The following FASTK variants were observed in gnomAD, a reference collection of about 807,000 sequenced individuals.
FASTK encodes Fas activated serine/threonine kinase.
In FASTK, 28 loss-of-function variants were observed where a neutral mutation model predicts 60.0. That is an observed-to-expected ratio of 0.47 (90% CI 0.35 to 0.64). The LOEUF is 0.64. Ranked by LOEUF, FASTK falls within the 30% of genes least tolerant of loss-of-function variation. FASTK has a pLI of 0.01. For synonymous variants in FASTK, 325 were observed against 307.9 expected, an observed-to-expected ratio of 1.06 and a Z score of -0.58; for missense variants, 595 against 713.8, an observed-to-expected ratio of 0.83 and a Z score of 1.90.
In FASTK at chr7:151,078,900, A is replaced by G. The variant is rs1230587436; in HGVS notation, c.627T>C (p.Ala209=). The change falls in exon 3 of 10, where the codon GCT becomes GCC. Residue 209 remains alanine, a synonymous_variant. Transcript: ENST00000297532. The part of the protein sequence containing the change: ...LLRGGQGLEA[A]LSCPRFLRYP... ...ACCGCAGAAAACGGGGGCAGCTTAG[A>G]GCAGCTTCCAACCCTTGCCCACCTC... The G allele has an allele frequency of 2.5e-6, 4 of 1,597,398 alleles. No individual in the cohort carries two copies. The highest frequency in any genetic ancestry group is 1.4e-5 in the African/African-American group (1 of 73,874).
chr7:151,076,652 C>G lies in FASTK; in HGVS notation c.*73G>C. On this transcript the variant is annotated 3_prime_UTR_variant, in exon 10 of 10. Coordinates refer to ENST00000297532, the MANE Select transcript of FASTK (RefSeq NM_006712.5). ...AAGGAAAGGAACTTTAATGAGAAAT[C>G]AAAACACAGGGAACCAAAGTGCAAA... is the stretch of plus-strand genomic sequence containing the variant. 1.2e-5 allele frequency: 13 copies of G among 1,043,598 alleles called. No individual in the cohort carries two copies. Among genetic ancestry groups the G allele is most frequent in the Non-Finnish European group, 1.8e-5 (13 of 729,792 alleles). 64.6% of individuals were successfully genotyped at this position (1,043,598 alleles called of 1,614,324 possible).
intron 1 of FASTK, 163 bp from the exon 2 acceptor site, chr7:151,080,085 G>C (rs896254031): frequency 3.2e-6 from 2 of 633,342 alleles, no homozygotes; most frequent in Non-Finnish European, 5.5e-6. Context: ...CTCCTTCCAC[G>C]CCTTTGAAAC....
chr7:151,078,433 T>A, intron 4 of FASTK, 129 bp downstream of exon 4: 1 of 1,029,368 alleles, frequency 9.7e-7, no homozygotes, highest in East Asian at 2.5e-5. Context: ...GTAGAAAAGA[T>A]GCAGGTCCCA....
chr7:151,077,652 G>A lies in FASTK; in HGVS notation c.1168C>T (p.Leu390Phe). ...TTGCAGCGGGCACGGTCGGTGATGA[G>A]AGGCTGGGGAAAGATGGGCACTTGC... ...RQQVPIFPQPLITDRARCKYS... is the reference protein window; with the variant it reads ...RQQVPIFPQPFITDRARCKYS... Residue 390 changes from leucine to phenylalanine, a missense_variant, in exon 6 of 10, where the codon CTC becomes TTC. Physicochemically the swap from Leu to Phe is conservative, Grantham distance 22. This residue lies in a region of FASTK where 471 missense variants were observed against 605.9 expected (regional missense o/e 0.78). Coordinates refer to ENST00000297532, the MANE Select transcript of FASTK (RefSeq NM_006712.5). The A allele has an allele frequency of 6.4e-7, 1 of 1,565,072 alleles. No homozygotes were observed. Among genetic ancestry groups the A allele is most frequent in the Non-Finnish European group, 8.7e-7 (1 of 1,155,640 alleles).
chr7:151,077,274 C>T, intron 7 of FASTK, 36 bp downstream of exon 7: 1 of 1,611,864 alleles, frequency 6.2e-7, no homozygotes, highest in Non-Finnish European at 8.5e-7. Context: ...AGCCAGGGCT[C>T]CGTCTCCCCG....
At position 151,077,275 on chromosome 7, in the gene FASTK, C is replaced by A. The variant is rs746368037; in HGVS notation, c.1291+35G>T. 5 of 1,611,788 alleles carry A rather than the reference C, an allele frequency of 3.1e-6. No individual in the cohort carries two copies. In the African/African-American group the frequency reaches 4.0e-5, roughly 13 times the overall value. ...GGGCCGGCGGCCTTAGCCAGGGCTCCGTCTCCCCGGGCCTGCCGCCTGCCC... is the reference window on the plus strand; with the variant it reads ...GGGCCGGCGGCCTTAGCCAGGGCTCAGTCTCCCCGGGCCTGCCGCCTGCCC... On this transcript the variant is annotated intron_variant, in intron 7 of 9. Transcript: ENST00000297532.
rs775142551 is a variant in FASTK, at chr7:151,077,195, C to A, written c.1333G>T (p.Val445Leu). ...CASSSGAVLP[V>L]RTQDPFLPYP... ...GGCAGGAAGGGGTCCTGGGTCCTCA[C>A]GGGAAGCACAGCACCAGAGCTGCTG... Residue 445 changes from valine (V) to leucine (L), a missense_variant, in exon 8 of 10, where the codon GTG becomes TTG. Around this residue, in one of 2 missense-constraint regions of FASTK, gnomAD observed 471 missense variants for 605.9 expected, o/e 0.78. Transcript: ENST00000297532. 2.5e-6 allele frequency: 4 copies of A among 1,612,946 alleles called. No homozygotes were observed. Among genetic ancestry groups the A allele is most frequent in the Non-Finnish European group, 2.5e-6 (3 of 1,179,692 alleles).
rs976194333 is a variant in FASTK at position 151,076,652 on chromosome 7, C to T, written c.*73G>A. 9.6e-7 allele frequency: 1 copy of T among 1,043,596 alleles called. No homozygotes were observed. The highest frequency in any genetic ancestry group is 1.4e-6 in the Non-Finnish European group (1 of 729,790). 64.6% of individuals were successfully genotyped at this position (1,043,596 alleles called of 1,614,324 possible). On this transcript the variant is annotated 3_prime_UTR_variant, in exon 10 of 10. Transcript: ENST00000297532. Reference sequence around the variant, plus strand: ...AAGGAAAGGAACTTTAATGAGAAATCAAAACACAGGGAACCAAAGTGCAAA... The same window carrying T: ...AAGGAAAGGAACTTTAATGAGAAATTAAAACACAGGGAACCAAAGTGCAAA...
rs140817502 is a variant in FASTK, at chr7:151,080,068, C to G, written c.83-146G>C. On this transcript the variant is annotated intron_variant, in intron 1 of 9. Transcript: ENST00000297532. ...CTCTGGGCCTCTTCCCCACCCCGCC[C>G]CTCTGCCTCCTTCCACGCCTTTGAA... The G allele has an allele frequency of 5.3e-4, 355 of 665,852 alleles. 7 individuals carry two copies. The East Asian group carries it at 9.7e-3, about 18-fold the overall frequency. The allele number at this position is 665,852 out of a possible 1,614,324, so 41.2% of individuals were successfully genotyped here. A position where few individuals can be genotyped will look rare whatever the true frequency, so the allele number is the denominator to read the frequency against.
chr7:151,080,694 C>T lies in FASTK; in HGVS notation c.73G>A (p.Gly25Arg), dbSNP rs1389263377. Residue 25 changes from glycine to arginine, a missense_variant, in exon 1 of 10, where the codon GGG becomes AGG. Around this residue, in one of 2 missense-constraint regions of FASTK, gnomAD observed 124 missense variants for 107.9 expected, o/e 1.15. Coordinates refer to ENST00000297532, the MANE Select transcript of FASTK (RefSeq NM_006712.5). ...CAGGCGCCACCCCTACATGACTCCC[C>T]GGGCCCTGCGCAGGTCGCTCCCTCA... ...PTEGATCAGP[G>R]ESWSPSPNSM... The T allele has an allele frequency of 7.0e-7, 1 of 1,422,228 alleles. No individual in the cohort carries two copies. Among genetic ancestry groups the T allele is most frequent in the Non-Finnish European group, 9.2e-7 (1 of 1,092,662 alleles). The allele number at this position is 1,422,228 out of a possible 1,614,324, so 88.1% of individuals were successfully genotyped here. A position where few individuals can be genotyped will look rare whatever the true frequency, so the allele number is the denominator to read the frequency against.
Position 151,079,117 on chromosome 7 carries a change from C to T in FASTK, c.506-96G>A, listed in dbSNP as rs1797838147. 3 of 1,160,364 alleles carry T rather than the reference C, an allele frequency of 2.6e-6. No individual in the cohort carries two copies. In the African/African-American group the frequency reaches 4.8e-5, roughly 18 times the overall value. The allele number at this position is 1,160,364 out of a possible 1,614,324, so 71.9% of individuals were successfully genotyped here. On this transcript the variant is annotated intron_variant, in intron 2 of 9. Coordinates refer to ENST00000297532, the MANE Select transcript of FASTK (RefSeq NM_006712.5). ...TGAATTCTCCACCTTTCTCCTCTCC[C>T]GTTTCCTGAGCGGGAAGGTGTGCTA...
In FASTK at chr7:151,079,928, G is replaced by A. The variant is rs984062110; in HGVS notation, c.83-6C>T. 6.4e-7 allele frequency: 1 copy of A among 1,569,498 alleles called. No individual in the cohort carries two copies. Among genetic ancestry groups the A allele is most frequent in the Non-Finnish European group, 8.7e-7 (1 of 1,152,064 alleles). ...GGAGTTGGGTGATGGAGACCCTGAGGGGCAGCCCAAAAAAGGGGGTGAGGT... is the reference window on the plus strand; with the variant it reads ...GGAGTTGGGTGATGGAGACCCTGAGAGGCAGCCCAAAAAAGGGGGTGAGGT... On this transcript the variant is annotated splice_polypyrimidine_tract_variant and splice_region_variant and intron_variant, in intron 1 of 9. Coordinates refer to ENST00000297532, the MANE Select transcript of FASTK (RefSeq NM_006712.5).
intron 1 of FASTK, 127 bp downstream of exon 1, chr7:151,080,558 C>G: frequency 7.6e-7 from 1 of 1,313,278 alleles, no homozygotes; most frequent in Non-Finnish European, 9.7e-7. Flanking sequence ...TGCGATGGCG[C>G]GGAGTCGGCG....
chr7:151,078,626 T>A lies in FASTK; in HGVS notation c.761A>T (p.Glu254Val), dbSNP rs756278104. The A allele has an allele frequency of 1.2e-6, 2 of 1,613,476 alleles. No individual in the cohort carries two copies. Among genetic ancestry groups the A allele is most frequent in the South Asian group, 2.2e-5 (2 of 91,074 alleles). Residue 254 changes from glutamate (E) to valine (V), a missense_variant, in exon 4 of 10, where the codon GAG becomes GTG. Physicochemically the swap from Glu to Val is moderately radical, Grantham distance 121 (BLOSUM62 -2). Transcript: ENST00000297532. ...AQHLARHRLR[E>V]PQLLEAIAHF... ...GGCAATGGCTTCCAGAAGCTGGGGC[T>A]CCCGCAACCGGTGCCGGGCCAGGTG...
chr7:151,078,511 A>G, intron 4 of FASTK, 51 bp downstream of exon 4: 1 of 1,595,988 alleles, frequency 6.3e-7, no homozygotes. Context: ...TGGGCCTGAC[A>G]AGGTCCCTGA....
At chr7:151,080,177 C>T (rs772962294) in intron 1 of FASTK, 28 of 501,626 alleles carry the variant, frequency 5.6e-5, no homozygotes, top group Non-Finnish European at 9.2e-5. Flanking sequence ...GCTCCTTACA[C>T]GCCCATGAAG....
Position 151,080,731 on chromosome 7 carries a change from G to A in FASTK, c.36C>T (p.Ala12=). 7.6e-7 allele frequency: 1 copy of A among 1,322,842 alleles called. No individual in the cohort carries two copies. Among genetic ancestry groups the A allele is most frequent in the Non-Finnish European group, 9.6e-7 (1 of 1,036,992 alleles). 81.9% of individuals were successfully genotyped at this position (1,322,842 alleles called of 1,614,324 possible). Residue 12 remains alanine (A), a synonymous_variant, in exon 1 of 10, where the codon GCC becomes GCT. Transcript: ENST00000297532. ...RRPRGEPGPR[A]PRPTEGATCA... ...AGGTCGCTCCCTCAGTCGGTCTCGG[G>A]GCCCGGGGGCCGGGTTCCCCCCGCG... is the stretch of plus-strand genomic sequence containing the variant.
intron 2 of FASTK, 177 bp from the exon 3 acceptor site, chr7:151,079,198 G>C (rs1797842117): frequency 3.3e-6 from 2 of 614,782 alleles, no homozygotes; most frequent in Non-Finnish European, 5.4e-6. Flanking sequence ...ATGAGGTATC[G>C]AAACGGTTTG....
Position 151,077,693 on chromosome 7 carries a change from CG to C in FASTK, c.1126del (p.Arg376AlafsTer29). 6.3e-7 allele frequency: 1 copy of C among 1,585,890 alleles called. No homozygotes were observed. Among genetic ancestry groups the C allele is most frequent in the Non-Finnish European group, 8.6e-7 (1 of 1,167,472 alleles). On this transcript the variant is annotated frameshift_variant, in exon 6 of 10. Coordinates refer to ENST00000297532, the MANE Select transcript of FASTK (RefSeq NM_006712.5). LOFTEE classifies it high-confidence loss of function. ...GGGCACTTGCTGCCTTCGGGGAAGGCGGGGACCCCGGTATCCTGGGAGCTCC... is the reference window on the plus strand; with the variant it reads ...GGGCACTTGCTGCCTTCGGGGAAGGCGGGACCCCGGTATCCTGGGAGCTCC... ...ELELPGYRGP[R>X]LPRRQQVPIF...
Sources: gnomAD v4.1 joint callset for allele counts on GRCh38, gnomAD v4.1.1 for gene constraint, gnomAD v4.1.1 regional missense constraint, MANE v1.5 for transcripts, NCBI Gene and HGNC (gene_info 2026-07-23, HGNC 2026-07-21) for gene names.